DNAH7: variants seen among roughly 807,000 people sequenced by gnomAD.
The protein encoded by DNAH7 is axonemal beta dynein heavy chain 7.
A neutral mutation model predicts 444.6 loss-of-function variants in DNAH7; 397 were observed. That is an observed-to-expected ratio of 0.89 (90% CI 0.82 to 0.97). The LOEUF (loss-of-function observed/expected upper bound fraction) is 0.97. Among genes scored for constraint, DNAH7 ranks in the 50% least tolerant of loss-of-function variants. The pLI, the probability that DNAH7 is intolerant of heterozygous loss-of-function variation, is 0.00. For synonymous variants in DNAH7, 1,636 were observed against 1,624.4 expected (o/e 1.01, Z -0.17); for missense variants, 4,902 against 4,800.8 (o/e 1.02, Z -0.62).
chr2:195,937,086 G>A (rs779591786), intron 19 of DNAH7, among the ~76,000 whole-genome samples: 9 of 152,046 alleles, frequency 5.9e-5, no homozygotes, highest in Non-Finnish European at 1.2e-4. Flanking sequence ...GAACTCACAA[G>A]AAGGACAGTG....
intron 24 of DNAH7, among the ~76,000 whole-genome samples, chr2:195,918,949 C>T (rs1687852245): frequency 6.6e-6 from 1 of 151,920 alleles, no homozygotes; most frequent in South Asian, 2.1e-4. Flanking sequence ...ACAAATGTAC[C>T]ACACTAATGA....
chr2:195,886,242 C>G lies in DNAH7; in HGVS notation c.5437G>C (p.Val1813Leu), dbSNP rs748047184. Residue 1813 changes from valine (V) to leucine (L), a missense_variant, in exon 34 of 65, where the codon GTC (valine) becomes CTC (leucine). Physicochemically the swap from Val to Leu is conservative, Grantham distance 32 (BLOSUM62 1). Transcript: ENST00000312428. ...ELSPTSDTNL[V>L]RSLMNLIDCF... ...TCTATTAGATTCATTAAGGACCGGA[C>G]CAAGTTTGTATCGGAAGTAGGAGAT... 7.4e-6 allele frequency: 12 copies of G among 1,612,406 alleles called. No individual in the cohort carries two copies. In the Middle Eastern group the frequency reaches 9.9e-4, roughly 133 times the overall value.
chr2:196,002,984 G>C (rs1219530755), intron 10 of DNAH7, among the ~76,000 whole-genome samples: 1 of 151,334 alleles, frequency 6.6e-6, no homozygotes, highest in Admixed American at 6.6e-5. Flanking sequence ...CTCCAGCCTG[G>C]GTGACGAGAG....
chr2:195,748,879 A>T (rs1693603602), intron 63 of DNAH7, among the ~76,000 whole-genome samples: 1 of 152,228 alleles, frequency 6.6e-6, no homozygotes, highest in Admixed American at 6.5e-5. Context: ...AAACCATAAA[A>T]ACCCTAGAAG....
chr2:195,921,867 C>T (rs984740608), intron 24 of DNAH7, among the ~76,000 whole-genome samples: 2 of 151,582 alleles, frequency 1.3e-5, no homozygotes, highest in East Asian at 1.9e-4. Context: ...GCGTCAACAA[C>T]AAGTGACACC....
chr2:196,005,787 T>C (rs1175002265), intron 10 of DNAH7, among the ~76,000 whole-genome samples: 2 of 152,060 alleles, frequency 1.3e-5, no homozygotes, highest in Non-Finnish European at 2.9e-5. Context: ...CTAACAAGAA[T>C]TTAAAAAATT....
rs1702415147 is a variant in DNAH7, at chr2:195,897,784, A to G, written c.4549-19T>C. 1.6e-6 allele frequency: 2 copies of G among 1,256,052 alleles called. No homozygotes were observed. Among genetic ancestry groups the G allele is most frequent in the African/African-American group, 1.6e-5 (1 of 61,720 alleles). 77.8% of individuals were successfully genotyped at this position (1,256,052 alleles called of 1,614,324 possible). On this transcript the variant is annotated intron_variant, in intron 28 of 64. Coordinates refer to ENST00000312428, the MANE Select transcript of DNAH7 (RefSeq NM_018897.3). ...ATTTCAGCTAAAAAAAAAAAAAAAA[A>G]CTCATGAGGATATCTGCATCTCCTA...
rs1410396118 is a variant in DNAH7, at chr2:195,737,924, T to C, written c.12072A>G (p.Ser4024=). 4 of 1,613,666 alleles carry C rather than the reference T, an allele frequency of 2.5e-6. No individual in the cohort carries two copies. Among genetic ancestry groups the C allele is most frequent in the African/African-American group, 2.7e-5 (2 of 74,932 alleles). The stretch of plus-strand genomic sequence containing the variant: ...ACAAGGAAATGATGTCTTCTGGTTA[T>C]GAATTAAGTTGACATAACAGTGCTA... The part of the protein sequence containing the change: ...RGVALLCQLN[S] The change falls in exon 65 of 65, where the codon TCA becomes TCG. Residue 4024 remains serine (S), a synonymous_variant. Coordinates refer to ENST00000312428, the MANE Select transcript of DNAH7 (RefSeq NM_018897.3).
At chr2:195,882,693 A>T (rs1358382682) in intron 35 of DNAH7, among the ~76,000 whole-genome samples, 1 of 152,228 alleles carries the variant, frequency 6.6e-6, no homozygotes, top group East Asian at 1.9e-4. Context: ...ACATTCAACA[A>T]CATCATGATA....
In DNAH7 at chr2:195,886,132, G is replaced by A. The variant is rs1701694285; in HGVS notation, c.5538+9C>T. On this transcript the variant is annotated intron_variant, in intron 34 of 64. Coordinates refer to ENST00000312428, the MANE Select transcript of DNAH7 (RefSeq NM_018897.3). ...TCTGTAGCAGGATACAGAAGGCAACGGACCTTACCTCAAGCAAAGAGTAAG... is the reference window on the plus strand; with the variant it reads ...TCTGTAGCAGGATACAGAAGGCAACAGACCTTACCTCAAGCAAAGAGTAAG... 3.1e-6 allele frequency: 5 copies of A among 1,610,566 alleles called. No homozygotes were observed. The highest frequency in any genetic ancestry group is 2.2e-5 in the East Asian group (1 of 44,730).
intron 57 of DNAH7, 111 bp downstream of exon 57, chr2:195,794,227 G>T: frequency 1.1e-6 from 1 of 896,668 alleles, no homozygotes; most frequent in Non-Finnish European, 1.8e-6. Context: ...GCACTGCGGT[G>T]CAGGAGGCCT....
intron 14 of DNAH7, 116 bp downstream of exon 14, chr2:195,986,950 T>C (rs1001868421): frequency 1.1e-6 from 1 of 949,850 alleles, no homozygotes; most frequent in African/African-American, 1.7e-5. Context: ...TTTAGCATAA[T>C]CATTTCTTTG....
rs1194379732 is a variant in DNAH7, at chr2:195,882,159, T to C, written c.5764-167A>G. 3.3e-5 allele frequency among the ~76,000 whole-genome samples: 5 copies of C among 152,174 alleles called. No individual in the cohort carries two copies. The East Asian group carries it at 9.6e-4, about 29-fold the overall frequency. Reference sequence around the variant, plus strand: ...CAGTTTGAAGGTTAAATTGTACATGTAAATTAAGGAGAAACTAGCTTTTAC... The same window carrying C: ...CAGTTTGAAGGTTAAATTGTACATGCAAATTAAGGAGAAACTAGCTTTTAC... On this transcript the variant is annotated intron_variant, in intron 35 of 64. Coordinates refer to ENST00000312428, the MANE Select transcript of DNAH7 (RefSeq NM_018897.3).
chr2:195,767,148 G>T (rs1364365280), intron 61 of DNAH7, among the ~76,000 whole-genome samples: 1 of 151,952 alleles, frequency 6.6e-6, no homozygotes, highest in Non-Finnish European at 1.5e-5. Flanking sequence ...TAATTTAACA[G>T]AAATTATTAT....
chr2:195,756,581 A>G (rs1269811251), intron 61 of DNAH7, among the ~76,000 whole-genome samples: 14 of 152,144 alleles, frequency 9.2e-5, no homozygotes, highest in Admixed American at 6.5e-4. Flanking sequence ...TGGTGGGATC[A>G]TGGCTCACTG....
chr2:195,856,346 T>C (rs555609019), intron 44 of DNAH7, among the ~76,000 whole-genome samples: 59 of 152,304 alleles, frequency 3.9e-4, no homozygotes, highest in African/African-American at 1.3e-3. Context: ...ATCTTTTATC[T>C]TTGTCATTTT....
rs79177056 is a variant in DNAH7, at chr2:195,870,278, T to C, written c.6633+1972A>G. Reference sequence around the variant, plus strand: ...AAATTTAGAAGGTGTCAGGTGATGTTCAATGTTATGAAGAACAAAGCAAGG... The same window carrying C: ...AAATTTAGAAGGTGTCAGGTGATGTCCAATGTTATGAAGAACAAAGCAAGG... On this transcript the variant is annotated intron_variant, in intron 40 of 64. Transcript: ENST00000312428. Among the ~76,000 whole-genome samples the C allele has an allele frequency of 5.4e-3, 818 of 152,202 alleles. 11 individuals are homozygous for C. The highest frequency in any genetic ancestry group is 0.019 in the African/African-American group (784 of 41,518).
chr2:196,034,716 T>A (rs1008503363), intron 5 of DNAH7, among the ~76,000 whole-genome samples: 2 of 152,178 alleles, frequency 1.3e-5, no homozygotes, highest in African/African-American at 2.4e-5. Flanking sequence ...TAGCCCCTCG[T>A]ATATGGTGAA....
chr2:195,891,822 A>C lies in DNAH7; in HGVS notation c.4897-18T>G, dbSNP rs749173851. ...ATTAGCCCCTTAATGAAAAAAAAAA[A>C]CATTTATTTATGTAAAGAATACTGT... On this transcript the variant is annotated intron_variant, in intron 30 of 64. Coordinates refer to ENST00000312428, the MANE Select transcript of DNAH7 (RefSeq NM_018897.3). 3.9e-5 allele frequency: 39 copies of C among 1,008,040 alleles called. No individual in the cohort carries two copies. The highest frequency in any genetic ancestry group is 5.3e-5 in the Non-Finnish European group (35 of 664,684). The allele number at this position is 1,008,040 out of a possible 1,614,324, so 62.4% of individuals were successfully genotyped here.
Sources: allele counts gnomAD v4.1 joint callset (sites outside exome capture counted in the v4.1 genomes callset), GRCh38; gene constraint gnomAD v4.1.1; transcripts MANE v1.5; gene names NCBI Gene and HGNC (gene_info 2026-07-23, HGNC 2026-07-21).